SGCZ: variants seen among roughly 807,000 people sequenced by gnomAD.
The protein encoded by SGCZ is sarcoglycan zeta, also known as zeta-sarcoglycan.
SGCZ carries 40 observed loss-of-function variants against 41.3 expected under a neutral mutation model. The ratio of observed to expected loss-of-function variants is 0.97; its 90% CI spans 0.75 to 1.26. The LOEUF (loss-of-function observed/expected upper bound fraction) is 1.26, where lower values mean the gene tolerates loss of function less well. Among genes scored for constraint, SGCZ ranks in the 50% most tolerant of loss-of-function variants. The pLI, the probability that SGCZ is intolerant of heterozygous loss-of-function variation, is 0.00. For synonymous variants in SGCZ, 206 were observed against 137.5 expected (o/e 1.50, Z -3.49); for missense variants, 552 against 369.8 (o/e 1.49, Z -4.04).
intron 2 of SGCZ, among the ~76,000 whole-genome samples, chr8:14,411,963 G>A (rs1162150793): frequency 6.6e-6 from 1 of 152,094 alleles, no homozygotes; most frequent in Non-Finnish European, 1.5e-5. Context: ...CAGCTGGGAA[G>A]AGTATACTGA....
At chr8:14,971,749 A>C (rs1207450878) in intron 1 of SGCZ, among the ~76,000 whole-genome samples, 2 of 149,934 alleles carry the variant, frequency 1.3e-5, no homozygotes, top group Non-Finnish European at 3.0e-5. Flanking sequence ...TCCCGGGTTC[A>C]AGTGATTCTC....
intron 4 of SGCZ, among the ~76,000 whole-genome samples, chr8:14,180,961 A>C (rs1804704580): frequency 6.6e-6 from 1 of 152,002 alleles, no homozygotes; most frequent in African/African-American, 2.4e-5. Context: ...AGAGGCTTAC[A>C]ATATCAACAT....
chr8:14,234,512 T>A (rs1454911601), intron 4 of SGCZ, among the ~76,000 whole-genome samples: 1 of 152,086 alleles, frequency 6.6e-6, no homozygotes, highest in Non-Finnish European at 1.5e-5. Flanking sequence ...CAGAAATCGA[T>A]GCATTCTATT....
At chr8:14,818,374 A>C (rs769264168) in intron 1 of SGCZ, among the ~76,000 whole-genome samples, 13 of 152,208 alleles carry the variant, frequency 8.5e-5, no homozygotes, top group Non-Finnish European at 1.8e-4. Context: ...TGCTAATGAG[A>C]ATTATAGCCA....
intron 1 of SGCZ, among the ~76,000 whole-genome samples, chr8:14,782,776 C>G (rs942415956): frequency 6.6e-6 from 1 of 152,174 alleles, no homozygotes; most frequent in Non-Finnish European, 1.5e-5. Flanking sequence ...CCTATTCTCA[C>G]TAGTGGTTAT....
At chr8:14,725,281 T>A (rs955075444) in intron 1 of SGCZ, among the ~76,000 whole-genome samples, 1 of 152,232 alleles carries the variant, frequency 6.6e-6, no homozygotes, top group African/African-American at 2.4e-5. Context: ...CTGTGTAGAA[T>A]GTTGCAATAA....
At chr8:14,480,960 T>C (rs1015320646) in intron 2 of SGCZ, among the ~76,000 whole-genome samples, 1 of 152,092 alleles carries the variant, frequency 6.6e-6, no homozygotes, top group Admixed American at 6.5e-5. Flanking sequence ...AATGAAGTTA[T>C]CTTGAACATT....
At chr8:14,448,198 A>C (rs1316695269) in intron 2 of SGCZ, among the ~76,000 whole-genome samples, 1 of 152,216 alleles carries the variant, frequency 6.6e-6, no homozygotes, top group East Asian at 1.9e-4. Context: ...AGAGAGATTC[A>C]AGGTTTACCA....
At chr8:14,098,179 A>C (rs551906304) in intron 7 of SGCZ, among the ~76,000 whole-genome samples, 1 of 152,334 alleles carries the variant, frequency 6.6e-6, no homozygotes, top group South Asian at 2.1e-4. Context: ...ACAGTATTCA[A>C]AGTTAAAAAG....
At position 14,806,736 on chromosome 8, in the gene SGCZ, T is replaced by C. The variant is rs1296057641; in HGVS notation, c.40-251810A>G. Among the ~76,000 whole-genome samples the C allele has an allele frequency of 2.0e-5, 3 of 152,106 alleles. No individual in the cohort carries two copies. The East Asian group carries it at 5.8e-4, about 30-fold the overall frequency. ...CTCCTCCCTAACTCATTTTAGGGAGTTAGCATCATTCTGATACCAAAGCCT... is the reference window on the plus strand; with the variant it reads ...CTCCTCCCTAACTCATTTTAGGGAGCTAGCATCATTCTGATACCAAAGCCT... On this transcript the variant is annotated intron_variant, in intron 1 of 7. Coordinates refer to ENST00000382080, the MANE Select transcript of SGCZ (RefSeq NM_139167.4).
intron 1 of SGCZ, among the ~76,000 whole-genome samples, chr8:15,213,898 G>T (rs1292139234): frequency 1.3e-5 from 2 of 151,994 alleles, no homozygotes; most frequent in Non-Finnish European, 2.9e-5. Context: ...TCTAAGCTTT[G>T]CAGCTATGAA....
At chr8:14,598,628 A>G (rs1250022815) in intron 1 of SGCZ, among the ~76,000 whole-genome samples, 2 of 151,984 alleles carry the variant, frequency 1.3e-5, no homozygotes, top group South Asian at 4.1e-4. Context: ...CCCCGGGCTC[A>G]AGTGATTTCC....
intron 2 of SGCZ, among the ~76,000 whole-genome samples, chr8:14,460,954 T>A (rs1343295960): frequency 6.6e-6 from 1 of 152,204 alleles, no homozygotes; most frequent in Non-Finnish European, 1.5e-5. Flanking sequence ...AATCAGATCC[T>A]GAACCTAGAT....
intron 3 of SGCZ, chr8:14,319,318 T>A (rs1007763478): frequency 1.3e-5 from 2 of 151,980 alleles, no homozygotes; most frequent in African/African-American, 4.8e-5. Context: ...ATTCAGTGCT[T>A]GGACTTAATA....
chr8:14,571,719 C>T (rs557859342), intron 1 of SGCZ, among the ~76,000 whole-genome samples: 44 of 152,204 alleles, frequency 2.9e-4, no homozygotes, highest in African/African-American at 9.6e-4. Context: ...AAATTAGTGA[C>T]GTTTGTATAT....
chr8:14,442,861 A>T (rs1427557237), intron 2 of SGCZ, among the ~76,000 whole-genome samples: 2 of 152,186 alleles, frequency 1.3e-5, no homozygotes, highest in African/African-American at 4.8e-5. Context: ...TGTCTGTCTA[A>T]TCTTAATGAA....
chr8:14,220,462 T>C (rs1218491512), intron 4 of SGCZ, among the ~76,000 whole-genome samples: 1 of 152,200 alleles, frequency 6.6e-6, no homozygotes. Flanking sequence ...TCTGGGGTGC[T>C]GTTCTAGATC....
chr8:14,525,944 C>T (rs895650522), intron 2 of SGCZ, among the ~76,000 whole-genome samples: 3 of 149,434 alleles, frequency 2.0e-5, no homozygotes, highest in Non-Finnish European at 3.0e-5. Context: ...ATACAAGTGC[C>T]AAAGTTAGAG....
intron 1 of SGCZ, among the ~76,000 whole-genome samples, chr8:14,864,357 T>C (rs892319264): frequency 1.3e-5 from 2 of 152,154 alleles, no homozygotes; most frequent in South Asian, 4.1e-4. Context: ...AATCACTAAA[T>C]AGACATATTA....
Sources: allele counts gnomAD v4.1 joint callset (sites outside exome capture counted in the v4.1 genomes callset), GRCh38; gene constraint gnomAD v4.1.1; transcripts MANE v1.5; gene names NCBI Gene and HGNC (gene_info 2026-07-23, HGNC 2026-07-21).